Variants in GRIK4 observed in about 807,000 individuals in gnomAD.
GRIK4 encodes the protein glutamate receptor ionotropic, kainate 4.
GRIK4 carries 40 observed loss-of-function variants against 104.9 expected under a neutral mutation model. That is an observed-to-expected ratio of 0.38 (90% CI 0.30 to 0.50). The LOEUF is 0.50. GRIK4 is among the 20% of genes least tolerant of loss of function. The pLI is 0.93. For missense variants in GRIK4, 1,047 were observed against 1,308.1 expected (o/e 0.80, Z 3.08); for synonymous variants, 485 against 524.9 (o/e 0.92, Z 1.04).
chr11:120,979,641 G>T (rs1418068061), intron 19 of GRIK4, among the ~76,000 whole-genome samples: 3 of 152,188 alleles, frequency 2.0e-5, no homozygotes, highest in Non-Finnish European at 2.9e-5. Context: ...GGAGAAACAT[G>T]AGTATGTGAA....
At chr11:120,979,973 TA>T (rs11367735) in intron 19 of GRIK4, among the ~76,000 whole-genome samples, 88,668 of 151,878 alleles carry the variant, frequency 0.58, 26,115 homozygotes, top group Admixed American at 0.66. Context: ...TAGCTGGGAT[TA>T]ACAGGTGTGA....
chr11:120,593,360 TGG>T, intron 1 of GRIK4, among the ~76,000 whole-genome samples: 1 of 152,190 alleles, frequency 6.6e-6, no homozygotes, highest in African/African-American at 2.4e-5. Flanking sequence ...CTCAACAGCT[TGG>T]GGAGGTCGCT....
intron 1 of GRIK4, among the ~76,000 whole-genome samples, chr11:120,639,209 A>C (rs1338733059): frequency 1.3e-5 from 2 of 152,136 alleles, no homozygotes; most frequent in African/African-American, 4.8e-5. Context: ...AATAAAAAAT[A>C]AAAAATAAAA....
chr11:120,918,197 C>T (rs1162789285), intron 13 of GRIK4, among the ~76,000 whole-genome samples: 1 of 152,130 alleles, frequency 6.6e-6, no homozygotes, highest in Admixed American at 6.6e-5. Context: ...TCCTTCCCAC[C>T]CAGACTGAGA....
chr11:120,741,697 C>A (rs1951337102), intron 3 of GRIK4, among the ~76,000 whole-genome samples: 1 of 152,202 alleles, frequency 6.6e-6, no homozygotes, highest in African/African-American at 2.4e-5. Flanking sequence ...GGTATCTTAA[C>A]TTTTCAGGTT....
chr11:120,843,982 T>C (rs1256263164), intron 8 of GRIK4, among the ~76,000 whole-genome samples: 3 of 152,204 alleles, frequency 2.0e-5, no homozygotes, highest in Non-Finnish European at 4.4e-5. Flanking sequence ...CCCCAGTCTC[T>C]ATCTTGTTTT....
chr11:120,614,239 A>G (rs1196466750), intron 1 of GRIK4, among the ~76,000 whole-genome samples: 1 of 152,236 alleles, frequency 6.6e-6, no homozygotes, highest in African/African-American at 2.4e-5. Context: ...GGAACCACAC[A>G]GAAAGGGGGT....
chr11:120,978,825 G>A (rs1363556340), intron 19 of GRIK4, among the ~76,000 whole-genome samples: 1 of 152,218 alleles, frequency 6.6e-6, no homozygotes, highest in Non-Finnish European at 1.5e-5. Flanking sequence ...AGGAGATTGA[G>A]GAGATTGGAA....
At chr11:120,767,967 A>C (rs1951868888) in intron 3 of GRIK4, among the ~76,000 whole-genome samples, 1 of 150,884 alleles carries the variant, frequency 6.6e-6, no homozygotes, top group South Asian at 2.1e-4. Context: ...ATATAATCTT[A>C]AGTCAGGAAG....
rs1943404866 is a variant in GRIK4 at position 120,928,559 on chromosome 11, T to C, written c.1477-11788T>C. Among the ~76,000 whole-genome samples the C allele has an allele frequency of 2.6e-5, 4 of 151,848 alleles. No individual in the cohort carries two copies. In the South Asian group the frequency reaches 8.3e-4, roughly 32 times the overall value. On this transcript the variant is annotated intron_variant, in intron 13 of 20. Transcript: ENST00000527524. ...TGAATAGAAGCCTGTAACAAGAGGG[T>C]CAAGGGTAAATAGTATCTGCTTGGC...
intron 5 of GRIK4, among the ~76,000 whole-genome samples, chr11:120,816,783 C>G (rs1452169890): frequency 6.6e-6 from 1 of 152,158 alleles, no homozygotes; most frequent in Non-Finnish European, 1.5e-5. Context: ...CGCGTTGGTC[C>G]TGCTCCTCCA....
intron 3 of GRIK4, among the ~76,000 whole-genome samples, chr11:120,664,868 C>T (rs774021300): frequency 2.6e-5 from 4 of 152,294 alleles, no homozygotes; most frequent in Non-Finnish European, 4.4e-5. Context: ...AAGTTCTGCT[C>T]AGCATGGGCA....
chr11:120,520,512 A>T (rs1162449738), intron 1 of GRIK4, among the ~76,000 whole-genome samples: 1 of 152,238 alleles, frequency 6.6e-6, no homozygotes, highest in Non-Finnish European at 1.5e-5. Flanking sequence ...AGGCAGCGAC[A>T]TAAAGCATTG....
At chr11:120,706,296 G>T (rs1204546885) in intron 3 of GRIK4, among the ~76,000 whole-genome samples, 3 of 152,220 alleles carry the variant, frequency 2.0e-5, no homozygotes, top group Non-Finnish European at 4.4e-5. Context: ...ATGTAGAACA[G>T]ATTTCTTGTC....
chr11:120,767,801 A>G (rs1951865774), intron 3 of GRIK4, among the ~76,000 whole-genome samples: 1 of 152,098 alleles, frequency 6.6e-6, no homozygotes, highest in Non-Finnish European at 1.5e-5. Context: ...TATTAAAGAG[A>G]CTATCATTTC....
At chr11:120,598,357 AGAAC>A (rs1948835333) in intron 1 of GRIK4, among the ~76,000 whole-genome samples, 1 of 152,200 alleles carries the variant, frequency 6.6e-6, no homozygotes, top group South Asian at 2.1e-4. Context: ...AGCAGGTAGC[AGAAC>A]GGTGGTTTGA....
chr11:120,640,739 C>T (rs945930525), intron 1 of GRIK4, among the ~76,000 whole-genome samples: 25 of 151,084 alleles, frequency 1.7e-4, no homozygotes, highest in African/African-American at 5.6e-4. Flanking sequence ...GACACAGTCT[C>T]GCTCTGTCAT....
intron 8 of GRIK4, among the ~76,000 whole-genome samples, chr11:120,851,488 T>C (rs1953973813): frequency 6.6e-6 from 1 of 152,216 alleles, no homozygotes; most frequent in African/African-American, 2.4e-5. Flanking sequence ...TGTAATTAAC[T>C]ACTCTTCAGG....
chr11:120,844,309 G>C (rs757699611), intron 8 of GRIK4, among the ~76,000 whole-genome samples: 6 of 152,150 alleles, frequency 3.9e-5, no homozygotes, highest in Non-Finnish European at 7.3e-5. Flanking sequence ...GCAAGGTTGA[G>C]TCTGCTGCCA....
Sources: allele counts gnomAD v4.1 joint callset (sites outside exome capture counted in the v4.1 genomes callset), GRCh38; gene constraint gnomAD v4.1.1; transcripts MANE v1.5; gene names NCBI Gene and HGNC (gene_info 2026-07-23, HGNC 2026-07-21).